AGO3: variants seen among roughly 807,000 people sequenced by gnomAD.
AGO3 encodes the protein argonaute RISC catalytic component 3, also known as protein argonaute-3.
A neutral mutation model predicts 105.5 loss-of-function variants in AGO3; 16 were observed. The observed-to-expected ratio is 0.15, with a 90% CI of 0.10 to 0.23. The LOEUF (loss-of-function observed/expected upper bound fraction) is 0.23, where lower values mean the gene tolerates loss of function less well. Ranked by LOEUF, AGO3 falls within the 10% of genes least tolerant of loss-of-function variation. The pLI, the probability that AGO3 is intolerant of heterozygous loss-of-function variation, is 1.00. For missense variants in AGO3, 534 were observed against 1,088.0 expected, an observed-to-expected ratio of 0.49 and a Z score of 7.16; for synonymous variants, 340 against 367.3, an observed-to-expected ratio of 0.93 and a Z score of 0.85.
At position 35,970,307 on chromosome 1, in the gene AGO3, A is replaced by G. The variant is rs544827810; in HGVS notation, c.313-1717A>G. On this transcript the variant is annotated intron_variant, in intron 3 of 18. Transcript: ENST00000373191. ...TGTATGGTAAATCTAACACATATAT[A>G]TAGGAAATCGTGAGTTCACACCCGA... Among the ~76,000 whole-genome samples the G allele has an allele frequency of 5.9e-5, 9 of 152,366 alleles. No individual in the cohort carries two copies. The East Asian group carries it at 9.6e-4, about 16-fold the overall frequency.
chr1:35,995,209 A>AAAAAAATATAT (rs1237315557), intron 5 of AGO3, among the ~76,000 whole-genome samples: 7 of 114,790 alleles, frequency 6.1e-5, no homozygotes, highest in African/African-American at 2.3e-4. Flanking sequence ...TAAAAAAAAA[A>AAAAAAATATAT]ATATATATAT....
chr1:36,014,000 C>T lies in AGO3; in HGVS notation c.1358C>T (p.Ala453Val). The change falls in exon 11 of 19, where the codon GCT becomes GTT. Residue 453 changes from alanine (A) to valine (V), a missense_variant. Transcript: ENST00000373191. Reference sequence around the variant, plus strand: ...ACAGGAGTTGAAATCAAAATGTGGGCTATCGCTTGTTTTGCCACACAGAGG... The same window carrying T: ...ACAGGAGTTGAAATCAAAATGTGGGTTATCGCTTGTTTTGCCACACAGAGG... ...FHTGVEIKMW[A>V]IACFATQRQC... 1.9e-6 allele frequency: 3 copies of T among 1,614,082 alleles called. No homozygotes were observed. The highest frequency in any genetic ancestry group is 2.5e-6 in the Non-Finnish European group (3 of 1,180,034).
At position 35,993,828 on chromosome 1, in the gene AGO3, A is replaced by G. The variant is rs11799914; in HGVS notation, c.659-10513A>G. Among the ~76,000 whole-genome samples, 372 of 139,546 alleles carry G rather than the reference A, an allele frequency of 2.7e-3. 3 individuals are homozygous for G. The highest frequency in any genetic ancestry group is 0.013 in the East Asian group (63 of 4,722). The allele number at this position is 139,546 out of a possible 152,430, so 91.5% of individuals were successfully genotyped here. ...AATGGTGAGATCTCTGCTCACTGCA[A>G]CCTCCACCTCTCAGGTTCAAGCCAT... On this transcript the variant is annotated intron_variant, in intron 5 of 18. Coordinates refer to ENST00000373191, the MANE Select transcript of AGO3 (RefSeq NM_024852.4).
intron 2 of AGO3, among the ~76,000 whole-genome samples, chr1:35,957,496 C>T (rs945632777): frequency 1.3e-5 from 2 of 151,450 alleles, no homozygotes; most frequent in Admixed American, 6.6e-5. Context: ...GAGGCTGACG[C>T]AGGCAGATCA....
chr1:36,014,561 G>A (rs1389327246), intron 11 of AGO3, among the ~76,000 whole-genome samples: 2 of 151,580 alleles, frequency 1.3e-5, no homozygotes, highest in African/African-American at 4.8e-5. Flanking sequence ...CACAAGGTCA[G>A]GAGATCGAGA....
At chr1:35,962,775 A>C (rs1382607659) in intron 2 of AGO3, among the ~76,000 whole-genome samples, 2 of 152,196 alleles carry the variant, frequency 1.3e-5, no homozygotes, top group Admixed American at 1.3e-4. Context: ...TTTATAAAGA[A>C]GAACCAAAAA....
chr1:36,010,296 C>T (rs1011288163), intron 9 of AGO3, among the ~76,000 whole-genome samples: 1 of 151,944 alleles, frequency 6.6e-6, no homozygotes, highest in Admixed American at 6.6e-5. Flanking sequence ...ATCACAGTGG[C>T]AGCTGTACAG....
chr1:35,947,260 T>A lies in AGO3; in HGVS notation c.191+1397T>A, dbSNP rs185077029. Among the ~76,000 whole-genome samples, 1,014 of 152,152 alleles carry A rather than the reference T, an allele frequency of 6.7e-3. 8 individuals carry two copies. The highest frequency in any genetic ancestry group is 0.023 in the African/African-American group (962 of 41,508). The stretch of plus-strand genomic sequence containing the variant: ...ACATTCCTATAGGTGGTTTTTTTTT[T>A]AACATGTTATCAGATACTGCTTTAA... On this transcript the variant is annotated intron_variant, in intron 2 of 18. Transcript: ENST00000373191.
Position 36,034,964 on chromosome 1 carries a change from C to T in AGO3, c.1751+631C>T, listed in dbSNP as rs1034905947. Among the ~76,000 whole-genome samples, 3 of 152,160 alleles carry T rather than the reference C, an allele frequency of 2.0e-5. 1 individual carries two copies. The highest frequency in any genetic ancestry group is 4.1e-4 in the South Asian group (2 of 4,832). On this transcript the variant is annotated intron_variant, in intron 13 of 18. Coordinates refer to ENST00000373191, the MANE Select transcript of AGO3 (RefSeq NM_024852.4). ...TAGAAACAGGAGGTAGCTTATTGTGCAAGTCACTGAGGAAGAGGTCATTTT... is the reference window on the plus strand; with the variant it reads ...TAGAAACAGGAGGTAGCTTATTGTGTAAGTCACTGAGGAAGAGGTCATTTT...
intron 17 of AGO3, among the ~76,000 whole-genome samples, chr1:36,048,078 CATTA>C (rs1220186900): frequency 6.6e-6 from 1 of 151,928 alleles, no homozygotes; most frequent in Non-Finnish European, 1.5e-5. Flanking sequence ...TTAGAATCTT[CATTA>C]AACTAACAGC....
chr1:36,036,853 C>T (rs923537068), intron 14 of AGO3, among the ~76,000 whole-genome samples: 3 of 152,008 alleles, frequency 2.0e-5, no homozygotes, highest in African/African-American at 7.2e-5. Context: ...TGCCACCATG[C>T]CCGGCTAATT....
At chr1:36,020,633 T>G (rs1486866789) in intron 11 of AGO3, among the ~76,000 whole-genome samples, 3 of 152,122 alleles carry the variant, frequency 2.0e-5, no homozygotes, top group South Asian at 2.1e-4. Context: ...ATTTATTTAT[T>G]GAGACGGAAT....
Position 36,008,476 on chromosome 1 carries a change from T to G in AGO3, c.794-214T>G, listed in dbSNP as rs931667731. Among the ~76,000 whole-genome samples the G allele has an allele frequency of 6.6e-6, 1 of 152,136 alleles. No homozygotes were observed. Among genetic ancestry groups the G allele is most frequent in the Non-Finnish European group, 1.5e-5 (1 of 68,016 alleles). On this transcript the variant is annotated intron_variant, in intron 6 of 18. Coordinates refer to ENST00000373191, the MANE Select transcript of AGO3 (RefSeq NM_024852.4). This position sits in a 1 kb window ranked among gnomAD's most constrained non-coding sequence, Gnocchi z 5.1. ...TTATTTTTTAATGTGTAGAGCTTGA[T>G]GGGGTAAGGAAAAATTTTGCCATTA...
chr1:36,019,934 A>G (rs1641127424), intron 11 of AGO3, among the ~76,000 whole-genome samples: 1 of 152,052 alleles, frequency 6.6e-6, no homozygotes, highest in Admixed American at 6.6e-5. Flanking sequence ...ACACCCAGCT[A>G]ATTTTTTGTA....
intron 2 of AGO3, among the ~76,000 whole-genome samples, chr1:35,957,208 G>A (rs547237631): frequency 2.8e-4 from 43 of 151,108 alleles, no homozygotes; most frequent in African/African-American, 9.2e-4. Context: ...AAATTAGCTG[G>A]GCATCGTGGT....
chr1:36,034,497 G>A (rs550118600), intron 13 of AGO3, among the ~76,000 whole-genome samples, 164 bp downstream of exon 13: 2 of 152,260 alleles, frequency 1.3e-5, no homozygotes, highest in Non-Finnish European at 2.9e-5. Flanking sequence ...GGATTGGCAA[G>A]GTTCAGAGAT....
At chr1:35,938,537 T>G (rs1646195544) in intron 1 of AGO3, among the ~76,000 whole-genome samples, 2 of 152,188 alleles carry the variant, frequency 1.3e-5, no homozygotes, top group Admixed American at 1.3e-4. Flanking sequence ...TATCATTACT[T>G]ACATCTATAT....
intron 17 of AGO3, among the ~76,000 whole-genome samples, chr1:36,045,378 T>G (rs1642420964): frequency 6.6e-6 from 1 of 150,838 alleles, no homozygotes; most frequent in Non-Finnish European, 1.5e-5. Flanking sequence ...CCCACCACCA[T>G]GCCGAGCTAA....
intron 12 of AGO3, among the ~76,000 whole-genome samples, chr1:36,030,378 C>G (rs533797065): frequency 6.6e-6 from 1 of 151,970 alleles, no homozygotes; most frequent in South Asian, 2.1e-4. Flanking sequence ...TAGTACACAT[C>G]TGTGGTCCTA....
Sources: gnomAD v4.1 joint callset for allele counts (sites outside exome capture counted in the v4.1 genomes callset) on GRCh38, gnomAD v4.1.1 for gene constraint, Gnocchi (gnomAD v3.1) non-coding constraint, MANE v1.5 for transcripts, NCBI Gene and HGNC (gene_info 2026-07-23, HGNC 2026-07-21) for gene names.